Variants in RRAS2 observed in about 807,000 individuals in gnomAD.
RRAS2 encodes the protein ras-related protein R-Ras2.
A neutral mutation model predicts 27.6 loss-of-function variants in RRAS2; 7 were observed. The observed-to-expected ratio is 0.25, with a 90% CI of 0.14 to 0.48. The LOEUF is 0.48. RRAS2 is among the 20% of genes least tolerant of loss of function. The pLI is 0.99. For missense variants in RRAS2, 178 were observed against 256.2 expected (o/e 0.69, Z 2.08); for synonymous variants, 86 against 90.9 (o/e 0.95, Z 0.31).
At chr11:14,359,540 G>A (rs1234592663), upstream of RRAS2, among the ~76,000 whole-genome samples, 6 of 152,240 alleles carry the variant, frequency 3.9e-5, no homozygotes, top group Non-Finnish European at 7.3e-5. Context: ...CCATATTTGT[G>A]TGAAAAACAG....
At position 14,307,924 on chromosome 11, in the gene RRAS2, T is replaced by C. The variant is rs1394637859; in HGVS notation, c.109-12069A>G. On this transcript the variant is annotated intron_variant, in intron 1 of 5. Coordinates refer to ENST00000256196, the MANE Select transcript of RRAS2 (RefSeq NM_012250.6). ...CAGAAACTTATCCTGCCGATAGGTC[T>C]GCACATATAAGAAATGATATGTACA... 3.3e-5 allele frequency among the ~76,000 whole-genome samples: 5 copies of C among 152,312 alleles called. No individual in the cohort carries two copies. The South Asian group carries it at 8.3e-4, about 25-fold the overall frequency.
At chr11:14,323,457 CA>C (rs144401903) in intron 1 of RRAS2, among the ~76,000 whole-genome samples, 9 of 144,140 alleles carry the variant, frequency 6.2e-5, no homozygotes, top group Non-Finnish European at 6.1e-5. Context: ...GACCCTGTCT[CA>C]AAAAAAAAAG....
chr11:14,291,973 C>A (rs1847405797), intron 4 of RRAS2, among the ~76,000 whole-genome samples: 2 of 152,180 alleles, frequency 1.3e-5, no homozygotes, highest in Non-Finnish European at 2.9e-5. Context: ...ACACTTTACA[C>A]ACATAGCCTA....
In RRAS2 at chr11:14,321,872, C is replaced by T. The variant is rs1311292810; in HGVS notation, c.109-26017G>A. Among the ~76,000 whole-genome samples the T allele has an allele frequency of 3.3e-5, 5 of 152,208 alleles. No homozygotes were observed. In the Middle Eastern group the frequency reaches 0.01, roughly 311 times the overall value. On this transcript the variant is annotated intron_variant, in intron 1 of 5. Coordinates refer to ENST00000256196, the MANE Select transcript of RRAS2 (RefSeq NM_012250.6). ...TTAATCCAGATCTAGTTATTAGTGG[C>T]TTCTGGTATAATTCCTCGTACTGTA...
chr11:14,340,172 C>A (rs1376560920), intron 1 of RRAS2, among the ~76,000 whole-genome samples: 5 of 149,418 alleles, frequency 3.3e-5, no homozygotes, highest in Non-Finnish European at 7.4e-5. Flanking sequence ...GACCTCGGCT[C>A]ACTGCAACCT....
chr11:14,304,097 G>GCTAA (rs1847776667), intron 1 of RRAS2, among the ~76,000 whole-genome samples: 1 of 152,158 alleles, frequency 6.6e-6, no homozygotes, highest in South Asian at 2.1e-4. Flanking sequence ...AGTACAAAGT[G>GCTAA]CTAACATACA....
At chr11:14,305,875 T>C (rs947292630) in intron 1 of RRAS2, among the ~76,000 whole-genome samples, 1 of 151,832 alleles carries the variant, frequency 6.6e-6, no homozygotes, top group Non-Finnish European at 1.5e-5. Flanking sequence ...GAGACCCCCA[T>C]CTCTACAAAA....
At position 14,278,572 on chromosome 11, in the gene RRAS2, C is replaced by A. The variant is rs2133938395; in HGVS notation, c.*765G>T. On this transcript the variant is annotated 3_prime_UTR_variant, in exon 6 of 6. Transcript: ENST00000256196. Reference sequence around the variant, plus strand: ...AGTTTTAGTTTTTTGAATCCCTTACCCAGAAATACTTGAAAAGGAAGACAG... The same window carrying A: ...AGTTTTAGTTTTTTGAATCCCTTACACAGAAATACTTGAAAAGGAAGACAG... 1 of 152,166 alleles carries A rather than the reference C, an allele frequency of 6.6e-6. No individual in the cohort carries two copies. Among genetic ancestry groups the A allele is most frequent in the South Asian group, 2.1e-4 (1 of 4,830 alleles). The allele number at this position is 152,166 out of a possible 1,614,324, so 9.4% of individuals were successfully genotyped here.
chr11:14,324,645 G>C (rs1323147126), intron 1 of RRAS2, among the ~76,000 whole-genome samples: 2 of 151,998 alleles, frequency 1.3e-5, no homozygotes, highest in African/African-American at 4.8e-5. Context: ...GAATTTTTTT[G>C]TTTTGCTCAA....
At chr11:14,328,740 C>A (rs1031940574) in intron 1 of RRAS2, among the ~76,000 whole-genome samples, 6 of 151,800 alleles carry the variant, frequency 4.0e-5, no homozygotes, top group Admixed American at 3.3e-4. Context: ...CCTCTGCTCA[C>A]CGCAACCTCC....
At chr11:14,294,660 C>A in intron 3 of RRAS2, 81 bp from the exon 4 acceptor site, 1 of 1,468,016 alleles carries the variant, frequency 6.8e-7, no homozygotes, top group South Asian at 1.2e-5. Context: ...CCAATTAGTA[C>A]TTTATTTTTC....
intron 1 of RRAS2, among the ~76,000 whole-genome samples, chr11:14,329,068 TACACACACACACAC>T (rs200695347): frequency 6.4e-5 from 9 of 141,690 alleles, no homozygotes; most frequent in Non-Finnish European, 9.1e-5. Flanking sequence ...CACATATACA[TACACACACACACAC>T]ACACACACAC....
intron 4 of RRAS2, among the ~76,000 whole-genome samples, chr11:14,286,862 T>G (rs1221452103): frequency 6.6e-6 from 1 of 152,240 alleles, no homozygotes. Flanking sequence ...CAATTAACGA[T>G]AAGGAAGGAA....
At chr11:14,324,832 A>G (rs1848314738) in intron 1 of RRAS2, among the ~76,000 whole-genome samples, 1 of 152,220 alleles carries the variant, frequency 6.6e-6, no homozygotes, top group South Asian at 2.1e-4. Context: ...CAGAAGGCCT[A>G]AAAATAAATC....
chr11:14,358,996 G>T lies in RRAS2; in HGVS notation c.-126C>A. The T allele has an allele frequency of 8.7e-7, 1 of 1,143,216 alleles. No individual in the cohort carries two copies. The highest frequency in any genetic ancestry group is 1.1e-6 in the Non-Finnish European group (1 of 932,046). The allele number at this position is 1,143,216 out of a possible 1,614,324, so 70.8% of individuals were successfully genotyped here. A position where few individuals can be genotyped will look rare whatever the true frequency, so the allele number is the denominator to read the frequency against. On this transcript the variant is annotated 5_prime_UTR_variant, in exon 1 of 6. Transcript: ENST00000256196. This position sits in a 1 kb window ranked among gnomAD's most constrained non-coding sequence, Gnocchi z 5.1. ...CGGCCGGGCTGGGGTCCCGGGTACC[G>T]GGAGGCGTCTGGAGGGCCGGTCAGC... is the stretch of plus-strand genomic sequence containing the variant.
At position 14,323,980 on chromosome 11, in the gene RRAS2, TAA is replaced by T. The variant is rs34742487; in HGVS notation, c.109-28127_109-28126del. 3.7e-3 allele frequency among the ~76,000 whole-genome samples: 538 copies of T among 145,712 alleles called. 6 individuals carry two copies. The highest frequency in any genetic ancestry group is 0.033 in the East Asian group (169 of 5,064). ...GGATAAGAAAATGTCACATTTGTCT[TAA>T]AAAAAAAAAAACTATAGCAAACAAC... On this transcript the variant is annotated intron_variant, in intron 1 of 5. Coordinates refer to ENST00000256196, the MANE Select transcript of RRAS2 (RefSeq NM_012250.6).
At chr11:14,336,265 G>A (rs1554952544) in intron 1 of RRAS2, among the ~76,000 whole-genome samples, 6 of 152,034 alleles carry the variant, frequency 3.9e-5, no homozygotes, top group Admixed American at 3.3e-4. Context: ...TGCCAGAGTG[G>A]TATCCAAAAA....
intron 1 of RRAS2, among the ~76,000 whole-genome samples, chr11:14,332,022 T>C (rs1179794432): frequency 6.6e-6 from 1 of 152,184 alleles, no homozygotes; most frequent in African/African-American, 2.4e-5. Context: ...TTGGCTAAAA[T>C]ACCCAGTATC....
Position 14,294,742 on chromosome 11 carries a change from T to C in RRAS2, c.299+18A>G. 1 of 1,606,554 alleles carries C rather than the reference T, an allele frequency of 6.2e-7. No individual in the cohort carries two copies. The highest frequency in any genetic ancestry group is 8.5e-7 in the Non-Finnish European group (1 of 1,173,626). ...TCTTGACAAGAACAGTGGATCTACATTCTAATATGGTACAAACCTGCCTCT... is the reference window on the plus strand; with the variant it reads ...TCTTGACAAGAACAGTGGATCTACACTCTAATATGGTACAAACCTGCCTCT... On this transcript the variant is annotated intron_variant, in intron 3 of 5. Coordinates refer to ENST00000256196, the MANE Select transcript of RRAS2 (RefSeq NM_012250.6).
Sources: gnomAD v4.1 joint callset for allele counts (sites outside exome capture counted in the v4.1 genomes callset) on GRCh38, gnomAD v4.1.1 for gene constraint, Gnocchi (gnomAD v3.1) non-coding constraint, MANE v1.5 for transcripts, NCBI Gene and HGNC (gene_info 2026-07-23, HGNC 2026-07-21) for gene names.